The following MEI1 variants were observed in gnomAD, a reference collection of about 807,000 sequenced individuals.
MEI1 encodes the protein meiotic double-stranded break formation protein 1.
Under a neutral mutation model 146.2 loss-of-function variants are expected in MEI1, and 103 were observed. That is an observed-to-expected ratio of 0.70 (90% confidence interval 0.60 to 0.83). The LOEUF is 0.83. Ranked by LOEUF, MEI1 falls within the 40% of genes least tolerant of loss-of-function variation. The pLI, the probability that MEI1 is intolerant of heterozygous loss-of-function variation, is 0.00. For synonymous variants in MEI1, 652 were observed against 628.2 expected, an observed-to-expected ratio of 1.04 and a Z score of -0.57; for missense variants, 1,529 against 1,533.0, an observed-to-expected ratio of 1.00 and a Z score of 0.04.
At chr22:41,770,124 A>G (rs1232505680) in intron 19 of MEI1, among the ~76,000 whole-genome samples, 1 of 151,828 alleles carries the variant, frequency 6.6e-6, no homozygotes, top group Non-Finnish European at 1.5e-5. Context: ...ACAGGAGCGA[A>G]ACTCTGTCTC....
intron 2 of MEI1, 100 bp from the exon 3 acceptor site, chr22:41,705,404 T>C (rs2069011162): frequency 1.0e-6 from 1 of 965,158 alleles, no homozygotes; most frequent in African/African-American, 1.6e-5. Flanking sequence ...ATTCCTGACC[T>C]CAGGTAATCT....
chr22:41,718,137 G>C lies in MEI1; in HGVS notation c.596G>C (p.Cys199Ser). 1 of 1,613,802 alleles carries C rather than the reference G, an allele frequency of 6.2e-7. No individual in the cohort carries two copies. The highest frequency in any genetic ancestry group is 8.5e-7 in the Non-Finnish European group (1 of 1,179,878). The change falls in exon 6 of 31, where the codon TGT becomes TCT. Residue 199 changes from cysteine (C) to serine (S), a missense_variant. Cys to Ser is a moderately radical substitution (Grantham distance 112). This residue lies in a region of MEI1 where 1,212 missense variants were observed against 1,178.9 expected (regional missense o/e 1.03). Coordinates refer to ENST00000401548, the MANE Select transcript of MEI1 (RefSeq NM_152513.4). Reference protein sequence around the residue: ...YPSEGIQASVCYLYGKLYSSP... With the variant: ...YPSEGIQASVSYLYGKLYSSP... ...AGTGAGGGCATACAAGCTTCTGTCT[G>C]TTACCTTTATGGGAAGCTATACTCC...
In MEI1 at chr22:41,781,843, C is replaced by T; in HGVS notation, c.3085C>T (p.Gln1029Ter). Residue 1029 changes from glutamine to a stop codon, truncating the protein, a stop_gained and splice_region_variant, in exon 24 of 31, where the codon CAG becomes TAG. Coordinates refer to ENST00000401548, the MANE Select transcript of MEI1 (RefSeq NM_152513.4). LOFTEE classifies it high-confidence loss of function. Reference protein sequence around the residue: ...FSAQQHKGSLQVHQTLSVEMD... With the variant: ...FSAQQHKGSL ...TGCCCAGCAGCACAAGGGCAGTTTG[C>T]AGGTTAGTCTTTAACTCCTGTGGCT... The T allele has an allele frequency of 1.9e-6, 3 of 1,613,874 alleles. No individual in the cohort carries two copies. The highest frequency in any genetic ancestry group is 2.5e-6 in the Non-Finnish European group (3 of 1,179,826).
At chr22:41,785,879 A>ATTTTTTTATTTTTTTATTTTTTTATTTT in intron 26 of MEI1, among the ~76,000 whole-genome samples, 1 of 127,022 alleles carries the variant, frequency 7.9e-6, no homozygotes, top group South Asian at 2.5e-4. Context: ...TTATTTTTTT[A>ATTTTTTTATTTTTTTATTTTTTTATTTT]TTTTTTTATT....
intron 22 of MEI1, among the ~76,000 whole-genome samples, chr22:41,780,906 C>T (rs6002479): frequency 0.068 from 10,339 of 152,142 alleles, 966 homozygotes; most frequent in African/African-American, 0.21. Context: ...TGATTGCTGA[C>T]GGGGACAAGA....
intron 19 of MEI1, among the ~76,000 whole-genome samples, chr22:41,770,385 TAGC>T (rs952586050): frequency 9.2e-5 from 14 of 151,960 alleles, no homozygotes; most frequent in African/African-American, 3.1e-4. Context: ...GTAGGATATT[TAGC>T]AGCATCCCCA....
chr22:41,733,410 C>G (rs963451247), intron 11 of MEI1, among the ~76,000 whole-genome samples: 11 of 152,022 alleles, frequency 7.2e-5, no homozygotes, highest in African/African-American at 2.7e-4. Flanking sequence ...GATCACACCA[C>G]TGCACTCCAG....
chr22:41,776,570 T>C (rs2075446600), intron 21 of MEI1, among the ~76,000 whole-genome samples: 1 of 152,038 alleles, frequency 6.6e-6, no homozygotes, highest in Admixed American at 6.6e-5. Flanking sequence ...CAGCCCCCTG[T>C]GGGAAGAAGA....
At chr22:41,702,032 T>C (rs781223532) in intron 1 of MEI1, among the ~76,000 whole-genome samples, 5 of 152,238 alleles carry the variant, frequency 3.3e-5, no homozygotes, top group Non-Finnish European at 7.3e-5. Context: ...GAGTAGCTCA[T>C]ATAGATCACT....
At chr22:41,713,100 C>T (rs576759330) in intron 3 of MEI1, among the ~76,000 whole-genome samples, 36 of 152,046 alleles carry the variant, frequency 2.4e-4, no homozygotes, top group South Asian at 4.1e-4. Context: ...TGAGCCACCG[C>T]GCCCGGCTGG....
intron 6 of MEI1, among the ~76,000 whole-genome samples, chr22:41,721,721 T>C (rs1322721476): frequency 1.4e-5 from 2 of 138,436 alleles, no homozygotes; most frequent in Admixed American, 1.4e-4. Flanking sequence ...TGCTACCCCT[T>C]TTTTTTTTTT....
At chr22:41,776,409 A>G in intron 21 of MEI1, 142 bp downstream of exon 21, 1 of 871,846 alleles carries the variant, frequency 1.1e-6, no homozygotes, top group Non-Finnish European at 1.7e-6. Flanking sequence ...GCATCAAGCT[A>G]AACTTCACCT....
Position 41,799,290 on chromosome 22 carries a change from C to T in MEI1, c.3816C>T (p.Ile1272=). 6.2e-7 allele frequency: 1 copy of T among 1,613,510 alleles called. No homozygotes were observed. The highest frequency in any genetic ancestry group is 8.5e-7 in the Non-Finnish European group (1 of 1,179,646). ...LGGVAVSLSH[I]RN ...GGGTGGCTGTATCCCTGTCCCACAT[C>T]AGAAACTGATCCTCAGGACTTGAAG... The change falls in exon 31 of 31, where the codon ATC becomes ATT. Residue 1272 remains isoleucine, a synonymous_variant. Coordinates refer to ENST00000401548, the MANE Select transcript of MEI1 (RefSeq NM_152513.4).
rs754719536 is a variant in MEI1 at position 41,784,731 on chromosome 22, G to A, written c.3293G>A (p.Arg1098Gln). ...AAGGACACTGTCCTAGCTCCACTGCGAATGTCGCAAGTCCGGTCCCTGGTC... is the reference window on the plus strand; with the variant it reads ...AAGGACACTGTCCTAGCTCCACTGCAAATGTCGCAAGTCCGGTCCCTGGTC... ...ATKDTVLAPL[R>Q]MSQVRSLVIG... is the part of the protein sequence containing the mutation. The change falls in exon 26 of 31, where the codon CGA becomes CAA. Residue 1098 changes from arginine to glutamine, a missense_variant. Arg to Gln is a conservative substitution (Grantham distance 43). Coordinates refer to ENST00000401548, the MANE Select transcript of MEI1 (RefSeq NM_152513.4). The A allele has an allele frequency of 1.2e-5, 19 of 1,612,948 alleles. No homozygotes were observed. The Middle Eastern group carries it at 6.6e-4, about 56-fold the overall frequency.
intron 7 of MEI1, 80 bp downstream of exon 7, chr22:41,724,153 C>T (rs2071110306): frequency 7.9e-6 from 12 of 1,519,214 alleles, no homozygotes; most frequent in Non-Finnish European, 1.1e-5. Context: ...CTTCATCTAC[C>T]ACTCCTATCT....
chr22:41,773,781 A>T (rs1484035093), intron 20 of MEI1, among the ~76,000 whole-genome samples: 3 of 152,176 alleles, frequency 2.0e-5, no homozygotes. Flanking sequence ...AGGCTGAGAC[A>T]GAAGAATCGC....
chr22:41,734,533 C>G lies in MEI1; in HGVS notation c.1331+1930C>G, dbSNP rs140347046. Among the ~76,000 whole-genome samples, 656 of 152,318 alleles carry G rather than the reference C, an allele frequency of 4.3e-3. 2 individuals are homozygous for G. Among genetic ancestry groups the G allele is most frequent in the African/African-American group, 0.015 (627 of 41,572 alleles). ...ATCTGAGCCTGGGAGGCGGAGGTTG[C>G]AGTGATCTGAGATCTTGCCACTGTA... On this transcript the variant is annotated intron_variant, in intron 11 of 30. Transcript: ENST00000401548.
In MEI1 at chr22:41,778,748, G is replaced by T; in HGVS notation, c.2751G>T (p.Leu917=). 6.2e-7 allele frequency: 1 copy of T among 1,609,230 alleles called. No homozygotes were observed. The highest frequency in any genetic ancestry group is 8.5e-7 in the Non-Finnish European group (1 of 1,177,912). ...NLPLLLSLLS[L]MQLRNVSEQE... is the part of the protein sequence containing the mutation. ...CATTGCTGCTGAGCCTCCTCTCCCTGATGCAGCTCAGGAATGTGTCAGAGC... is the reference window on the plus strand; with the variant it reads ...CATTGCTGCTGAGCCTCCTCTCCCTTATGCAGCTCAGGAATGTGTCAGAGC... Residue 917 remains leucine (L), a synonymous_variant, in exon 22 of 31, where the codon CTG becomes CTT. Coordinates refer to ENST00000401548, the MANE Select transcript of MEI1 (RefSeq NM_152513.4).
chr22:41,794,071 G>C (rs1419834312), intron 27 of MEI1, 161 bp downstream of exon 27: 2 of 721,310 alleles, frequency 2.8e-6, no homozygotes, highest in African/African-American at 1.8e-5. Context: ...CCATTATACA[G>C]ATGGGATCAA....
Sources: allele counts gnomAD v4.1 joint callset (sites outside exome capture counted in the v4.1 genomes callset), GRCh38; gene constraint gnomAD v4.1.1; regional missense constraint gnomAD v4.1.1; transcripts MANE v1.5; gene names NCBI Gene and HGNC (gene_info 2026-07-23, HGNC 2026-07-21).